The following CD320 variants were observed in gnomAD, a reference collection of about 807,000 sequenced individuals.
CD320 encodes the protein CD320 molecule.
In CD320, 16 loss-of-function variants were observed where a neutral mutation model predicts 22.1. The observed-to-expected ratio is 0.73, with a 90% confidence interval of 0.49 to 1.10. The LOEUF is 1.10. Ranked by LOEUF, CD320 falls within the 50% of genes least tolerant of loss-of-function variation. The probability of loss-of-function intolerance (pLI) is 0.00; values close to 1 mark genes in which losing one functional copy is unlikely to be tolerated. For synonymous variants in CD320, 188 were observed against 167.8 expected (o/e 1.12, Z -0.93); for missense variants, 388 against 376.9 (o/e 1.03, Z -0.24).
chr19:8,302,908 G>T lies in CD320; in HGVS notation c.575C>A (p.Ser192Tyr). Residue 192 changes from serine (S) to tyrosine (Y), a missense_variant, in exon 4 of 5, where the codon TCT (serine) becomes TAT (tyrosine). Ser to Tyr is a moderately radical substitution (Grantham distance 144). Coordinates refer to ENST00000301458, the MANE Select transcript of CD320 (RefSeq NM_016579.4). ...CCCCATGGTTGTGGCATTCCTGAGA[G>T]AGGTGACACTCTCCAGGGTCACAGG... is the stretch of plus-strand genomic sequence containing the variant. The part of the protein sequence containing the change: ...GPPVTLESVT[S>Y]LRNATTMGPP... The T allele has an allele frequency of 6.2e-7, 1 of 1,614,066 alleles. No individual in the cohort carries two copies. Among genetic ancestry groups the T allele is most frequent in the Middle Eastern group, 1.6e-4 (1 of 6,062 alleles).
rs758476844 is a variant in CD320 at position 8,303,951 on chromosome 19, C to T, written c.406G>A (p.Glu136Lys). 8 of 1,591,272 alleles carry T rather than the reference C, an allele frequency of 5.0e-6. No homozygotes were observed. Among genetic ancestry groups the T allele is most frequent in the Non-Finnish European group, 6.8e-6 (8 of 1,169,302 alleles). Residue 136 changes from glutamate to lysine, a missense_variant, in exon 3 of 5, where the codon GAG (glutamate) becomes AAG (lysine). Glu to Lys is a moderately conservative substitution (Grantham distance 56). Transcript: ENST00000301458. ...TCATCGCTCAGCGTGCAACGGAGCT[C>T]GCCTGCTAGGCAGGCCAGGCGGCTG... Reference protein sequence around the residue: ...NCSRLACLAGELRCTLSDDCI... With the variant: ...NCSRLACLAGKLRCTLSDDCI...
chr19:8,303,051 G>T, intron 3 of CD320, 71 bp from the exon 4 acceptor site: 1 of 1,354,000 alleles, frequency 7.4e-7, no homozygotes, highest in Non-Finnish European at 1.0e-6. Context: ...GATGCCCAGG[G>T]GAGCCCTTGG....
At chr19:8,305,773 G>A (rs1970080606) in intron 1 of CD320, 1 of 153,616 alleles carries the variant, frequency 6.5e-6, no homozygotes, top group South Asian at 2.0e-4. Flanking sequence ...GCTGATCCCA[G>A]AGTCTTCACC....
At position 8,308,157 on chromosome 19, in the gene CD320, T is replaced by C; in HGVS notation, c.134A>G (p.Gln45Arg). The C allele has an allele frequency of 1.3e-6, 2 of 1,540,154 alleles. No homozygotes were observed. Among genetic ancestry groups the C allele is most frequent in the Non-Finnish European group, 1.7e-6 (2 of 1,152,038 alleles). ...ASPLSTPTSA[Q>R]AAGPSSGSCP... ...TGCGGGGCGTCACTCACCTGCGGCC[T>C]GGGCAGAGGTCGGGGTGGAAAGCGG... Residue 45 changes from glutamine (Q) to arginine (R), a missense_variant, in exon 1 of 5, where the codon CAG becomes CGG. Coordinates refer to ENST00000301458, the MANE Select transcript of CD320 (RefSeq NM_016579.4).
Position 8,302,857 on chromosome 19 carries a change from G to T in CD320, c.626C>A (p.Pro209His). 1.9e-6 allele frequency: 3 copies of T among 1,614,142 alleles called. No homozygotes were observed. Among genetic ancestry groups the T allele is most frequent in the South Asian group, 1.1e-5 (1 of 91,076 alleles). Residue 209 changes from proline to histidine, a missense_variant, in exon 4 of 5, where the codon CCC becomes CAC. Transcript: ENST00000301458. ...GGAGGATGTGGCATTCCCGACAGAG[G>T]GGACACTCTCCAGGGTCACAGGGGG... Reference protein sequence around the residue: ...MGPPVTLESVPSVGNATSSSA... With the variant: ...MGPPVTLESVHSVGNATSSSA...
intron 4 of CD320, 86 bp from the exon 5 acceptor site, chr19:8,302,691 A>T: frequency 3.1e-6 from 5 of 1,599,278 alleles, no homozygotes; most frequent in Non-Finnish European, 4.3e-6. Flanking sequence ...TGGGGATGGG[A>T]GTTCTGCAGC....
chr19:8,305,221 A>T, intron 1 of CD320, 65 bp from the exon 2 acceptor site: 2 of 1,541,548 alleles, frequency 1.3e-6, no homozygotes, highest in Non-Finnish European at 1.7e-6. Flanking sequence ...AGAGCACAGT[A>T]GTCACTGGCT....
intron 2 of CD320, chr19:8,304,620 T>C (rs2002602): frequency 0.15 from 38,646 of 257,672 alleles, 3,964 homozygotes; most frequent in Admixed American, 0.26. Flanking sequence ...TGGGATTACA[T>C]GTGTGAGCCA....
At chr19:8,304,128 A>G in intron 2 of CD320, 40 bp from the exon 3 acceptor site, 1 of 1,071,716 alleles carries the variant, frequency 9.3e-7, no homozygotes, top group Non-Finnish European at 1.4e-6. Flanking sequence ...TGCCCACCCA[A>G]GAAGGCCCAG....
At chr19:8,303,095 T>G in intron 3 of CD320, 115 bp from the exon 4 acceptor site, 2 of 523,712 alleles carry the variant, frequency 3.8e-6, no homozygotes, top group South Asian at 1.7e-5. Flanking sequence ...TGGGTGAAGC[T>G]GACTGCCCGT....
At chr19:8,307,350 CA>C (rs35148159) in intron 1 of CD320, among the ~76,000 whole-genome samples, 89,026 of 137,382 alleles carry the variant, frequency 0.65, 27,113 homozygotes, top group South Asian at 0.77. Context: ...AAAAAACAAA[CA>C]AAAAAAAACC....
chr19:8,302,594 C>A lies in CD320; in HGVS notation c.718G>T (p.Ala240Ser). 2.5e-6 allele frequency: 4 copies of A among 1,613,678 alleles called. No individual in the cohort carries two copies. Among genetic ancestry groups the A allele is most frequent in the Non-Finnish European group, 3.4e-6 (4 of 1,179,868 alleles). The change falls in exon 5 of 5, where the codon GCA becomes TCA. Residue 240 changes from alanine to serine, a missense_variant. Transcript: ENST00000301458. ...GVIAAAAVLS[A>S]SLVTATLLLL... Reference sequence around the variant, plus strand: ...AGGAGGGTGGCGGTGACCAGGCTTGCACTGAGCACCGCTGTGGGGAACAGA... The same window carrying A: ...AGGAGGGTGGCGGTGACCAGGCTTGAACTGAGCACCGCTGTGGGGAACAGA...
chr19:8,302,927 T>C lies in CD320; in HGVS notation c.556A>G (p.Thr186Ala). 1.2e-6 allele frequency: 2 copies of C among 1,613,856 alleles called. No homozygotes were observed. Among genetic ancestry groups the C allele is most frequent in the Non-Finnish European group, 1.7e-6 (2 of 1,179,946 alleles). Residue 186 changes from threonine (T) to alanine (A), a missense_variant, in exon 4 of 5, where the codon ACC (threonine) becomes GCC (alanine). Physicochemically the swap from Thr to Ala is moderately conservative, Grantham distance 58. Transcript: ENST00000301458. ...CTGAGAGAGGTGACACTCTCCAGGG[T>C]CACAGGGGGCCCCATGGTTGTGGCA... Reference protein sequence around the residue: ...GDATTMGPPVTLESVTSLRNA... With the variant: ...GDATTMGPPVALESVTSLRNA...
intron 2 of CD320, 42 bp downstream of exon 2, chr19:8,304,989 C>T: frequency 6.3e-7 from 1 of 1,597,156 alleles, no homozygotes; most frequent in Admixed American, 1.7e-5. Flanking sequence ...CACCCTCAGG[C>T]CCCGCCCCCT....
chr19:8,308,073 C>A, intron 1 of CD320, 76 bp downstream of exon 1: 1 of 1,350,360 alleles, frequency 7.4e-7, no homozygotes, highest in Non-Finnish European at 9.7e-7. Flanking sequence ...CAGCCAGTGA[C>A]TAGGCGTTGT....
Position 8,302,239 on chromosome 19 carries a change from C to T in CD320, c.*224G>A. 1.4e-6 allele frequency: 1 copy of T among 696,940 alleles called. No homozygotes were observed. The highest frequency in any genetic ancestry group is 1.5e-5 in the South Asian group (1 of 67,010). 43.2% of individuals were successfully genotyped at this position (696,940 alleles called of 1,614,324 possible). The stretch of plus-strand genomic sequence containing the variant: ...CCTGGGGCCAGCCCCTCAGTTCTGG[C>T]TGTGGCAGGTTCCCCATCCTAGCTC... On this transcript the variant is annotated 3_prime_UTR_variant, in exon 5 of 5. Coordinates refer to ENST00000301458, the MANE Select transcript of CD320 (RefSeq NM_016579.4).
At chr19:8,302,696 T>G in intron 4 of CD320, 81 bp downstream of exon 4, 1 of 1,602,642 alleles carries the variant, frequency 6.2e-7, no homozygotes, top group Non-Finnish European at 8.5e-7. Flanking sequence ...ATGGGAGTTC[T>G]GCAGCTCATC....
intron 3 of CD320, 78 bp downstream of exon 3, chr19:8,303,769 TCCACGCCC>T: frequency 1.1e-6 from 1 of 891,040 alleles, no homozygotes; most frequent in Non-Finnish European, 1.8e-6. Context: ...AAGGCATGTG[TCCACGCCC>T]CCAGCCTGGC....
Position 8,302,473 on chromosome 19 carries a change from G to C in CD320, c.839C>G (p.Ser280Trp). Residue 280 changes from serine (S) to tryptophan (W), a missense_variant, in exon 5 of 5, where the codon TCG becomes TGG. By Grantham distance (177) the Ser-to-Trp change is radical. Coordinates refer to ENST00000301458, the MANE Select transcript of CD320 (RefSeq NM_016579.4). Reference sequence around the variant, plus strand: ...GGCAAGTGCTTGTCCTCAGGGCAGCGAGGTCTTCTGTTCTGACAGCAGCAG... The same window carrying C: ...GGCAAGTGCTTGTCCTCAGGGCAGCCAGGTCTTCTGTTCTGACAGCAGCAG... ...ESLLLSEQKT[S>W]LP 6.2e-7 allele frequency: 1 copy of C among 1,614,144 alleles called. No homozygotes were observed. The highest frequency in any genetic ancestry group is 8.5e-7 in the Non-Finnish European group (1 of 1,180,022).
Sources: allele counts gnomAD v4.1 joint callset (sites outside exome capture counted in the v4.1 genomes callset), GRCh38; gene constraint gnomAD v4.1.1; transcripts MANE v1.5; gene names NCBI Gene and HGNC (gene_info 2026-07-23, HGNC 2026-07-21).